The following PTCHD4 variants were observed in gnomAD, a reference collection of about 807,000 sequenced individuals.
PTCHD4 encodes the protein patched domain containing 4.
PTCHD4 carries 33 observed loss-of-function variants against 58.1 expected under a neutral mutation model. The ratio of observed to expected loss-of-function variants is 0.57; its 90% CI spans 0.43 to 0.76. The LOEUF (loss-of-function observed/expected upper bound fraction) is 0.76. Ranked by LOEUF, PTCHD4 falls within the 30% of genes least tolerant of loss-of-function variation. The pLI, the probability that PTCHD4 is intolerant of heterozygous loss-of-function variation, is 0.00. For missense variants in PTCHD4, 1,058 were observed against 1,027.1 expected (o/e 1.03, Z -0.41); for synonymous variants, 478 against 409.6 (o/e 1.17, Z -2.02).
chr6:47,992,526 A>G (rs1042414281), intron 4 of PTCHD4, among the ~76,000 whole-genome samples: 2 of 152,192 alleles, frequency 1.3e-5, no homozygotes, highest in Non-Finnish European at 2.9e-5. Flanking sequence ...ACATATAGCT[A>G]TTAGTAAAAA....
chr6:47,889,263 C>T (rs1463412674), intron 4 of PTCHD4, among the ~76,000 whole-genome samples: 1 of 100,318 alleles, frequency 1.0e-5, no homozygotes, highest in Admixed American at 1.2e-4. Context: ...AACTAGTTTA[C>T]AGTCCCACCA....
chr6:48,036,039 AG>A lies in PTCHD4; in HGVS notation c.418-26926del, dbSNP rs1180671077. 1.4e-4 allele frequency among the ~76,000 whole-genome samples: 22 copies of A among 152,048 alleles called. No homozygotes were observed. In the South Asian group the frequency reaches 4.2e-3, roughly 29 times the overall value. ...CATTGAATAACATTTTTTTTTTAAC[AG>A]ATACACCCTCGAGCTTGAGAATCAC... On this transcript the variant is annotated intron_variant, in intron 3 of 4. Transcript: ENST00000339488.
At position 47,871,112 on chromosome 6, in the gene PTCHD4, G is replaced by T. The variant is rs1483822000; in HGVS notation, c.*7191C>A. Among the ~76,000 whole-genome samples, 1 of 151,656 alleles carries T rather than the reference G, an allele frequency of 6.6e-6. No homozygotes were observed. The highest frequency in any genetic ancestry group is 1.9e-4 in the East Asian group (1 of 5,138). Reference sequence around the variant, plus strand: ...TTGTTTTAGGAAAGAAAATAAAAATGCTCAACTTTTACTCTCATTTCTACA... The same window carrying T: ...TTGTTTTAGGAAAGAAAATAAAAATTCTCAACTTTTACTCTCATTTCTACA... On this transcript the variant is annotated 3_prime_UTR_variant, in exon 5 of 5. Transcript: ENST00000339488.
intron 4 of PTCHD4, chr6:47,901,006 T>C (rs1764677157): frequency 6.7e-6 from 1 of 150,018 alleles, no homozygotes; most frequent in African/African-American, 2.4e-5. Context: ...TACAAAAAAT[T>C]AGCCGGGCGC....
intron 4 of PTCHD4, chr6:47,901,026 C>A (rs1434866030): frequency 6.6e-6 from 1 of 150,510 alleles, no homozygotes. Flanking sequence ...CGGTGGCGGG[C>A]GCCTGTAGTC....
intron 4 of PTCHD4, among the ~76,000 whole-genome samples, chr6:47,919,323 C>T (rs1029076159): frequency 4.6e-5 from 7 of 151,908 alleles, no homozygotes; most frequent in African/African-American, 1.7e-4. Context: ...AAAGTGAAGG[C>T]CTTCAGAAAA....
intron 3 of PTCHD4, among the ~76,000 whole-genome samples, chr6:48,034,977 AGGGGC>A (rs1763578868): frequency 2.0e-5 from 3 of 152,126 alleles, no homozygotes; most frequent in Admixed American, 2.0e-4. Flanking sequence ...CTTCCGAAGA[AGGGGC>A]GGGGACATAT....
intron 4 of PTCHD4, among the ~76,000 whole-genome samples, chr6:48,008,118 T>C (rs556849150): frequency 6.6e-6 from 1 of 152,308 alleles, no homozygotes; most frequent in South Asian, 2.1e-4. Flanking sequence ...AAGGTTTTAG[T>C]TTATACAGAG....
chr6:47,966,637 TTTC>T (rs1767307215), intron 4 of PTCHD4, among the ~76,000 whole-genome samples: 3 of 152,356 alleles, frequency 2.0e-5, no homozygotes, highest in Admixed American at 2.0e-4. Context: ...TTTCCACTGC[TTTC>T]TCAATTTAAT....
chr6:48,020,468 T>C (rs906307276), intron 3 of PTCHD4, among the ~76,000 whole-genome samples: 1 of 152,012 alleles, frequency 6.6e-6, no homozygotes, highest in African/African-American at 2.4e-5. Flanking sequence ...TTAAAACAAA[T>C]ATTAGGTTGC....
At position 47,857,783 on chromosome 6, in the gene PTCHD4, C is replaced by T. The variant is rs559997550; in HGVS notation, c.*20520G>A. ...AGTAAAGATGACACTACATTGAGCACACAGGTATTAAACATACAAATGATT... is the reference window on the plus strand; with the variant it reads ...AGTAAAGATGACACTACATTGAGCATACAGGTATTAAACATACAAATGATT... On this transcript the variant is annotated 3_prime_UTR_variant, in exon 5 of 5. Coordinates refer to ENST00000339488, the MANE Select transcript of PTCHD4 (RefSeq NM_001384253.1). Among the ~76,000 whole-genome samples, 1 of 152,012 alleles carries T rather than the reference C, an allele frequency of 6.6e-6. No homozygotes were observed. Among genetic ancestry groups the T allele is most frequent in the Admixed American group, 6.6e-5 (1 of 15,210 alleles).
intron 3 of PTCHD4, among the ~76,000 whole-genome samples, chr6:48,053,811 C>T (rs1277830147): frequency 1.3e-5 from 2 of 152,012 alleles, no homozygotes; most frequent in Non-Finnish European, 2.9e-5. Context: ...AAAGTTGTTC[C>T]CTTTAGCTAC....
intron 4 of PTCHD4, among the ~76,000 whole-genome samples, chr6:47,982,484 T>C (rs1475764488): frequency 3.3e-5 from 5 of 149,546 alleles, no homozygotes; most frequent in Admixed American, 6.6e-5. Context: ...TCTCTCTCTT[T>C]TTTTTTTTTT....
At chr6:48,089,708 A>C (rs886672505) in intron 1 of PTCHD4, among the ~76,000 whole-genome samples, 1 of 152,244 alleles carries the variant, frequency 6.6e-6, no homozygotes, top group East Asian at 1.9e-4. Flanking sequence ...CCAGTTGAGC[A>C]AAACCTATTC....
At chr6:47,946,448 A>G (rs1225347136) in intron 4 of PTCHD4, among the ~76,000 whole-genome samples, 1 of 152,018 alleles carries the variant, frequency 6.6e-6, no homozygotes, top group Non-Finnish European at 1.5e-5. Context: ...GATCCTCTTT[A>G]TCTCTTAGTA....
chr6:47,903,737 T>C (rs946860217), intron 4 of PTCHD4, among the ~76,000 whole-genome samples: 2 of 152,232 alleles, frequency 1.3e-5, no homozygotes, highest in African/African-American at 4.8e-5. Context: ...TCATGGGACT[T>C]ACATTCTAGT....
At chr6:48,041,529 T>C (rs1206464740) in intron 3 of PTCHD4, among the ~76,000 whole-genome samples, 1 of 152,024 alleles carries the variant, frequency 6.6e-6, no homozygotes, top group African/African-American at 2.4e-5. Flanking sequence ...AGAACTTCCA[T>C]CATTAAAGTG....
At chr6:47,925,982 G>T (rs1024096489) in intron 4 of PTCHD4, among the ~76,000 whole-genome samples, 1 of 152,208 alleles carries the variant, frequency 6.6e-6, no homozygotes, top group Admixed American at 6.5e-5. Context: ...CAAGACTCTC[G>T]CAAATGAGAC....
In PTCHD4 at chr6:48,068,983, T is replaced by G. The variant is rs953498625; in HGVS notation, c.-26A>C. On this transcript the variant is annotated 5_prime_UTR_variant, in exon 2 of 5. Coordinates refer to ENST00000339488, the MANE Select transcript of PTCHD4 (RefSeq NM_001384253.1). The surrounding 1 kb of genome is among the most constrained non-coding windows in gnomAD (Gnocchi z 4.2). ...GAGCAGCGTTCCCTCGGTCTAGCCCTTCATCTCGGTGCTGCAGTCCCCTGG... is the reference window on the plus strand; with the variant it reads ...GAGCAGCGTTCCCTCGGTCTAGCCCGTCATCTCGGTGCTGCAGTCCCCTGG... 2.7e-5 allele frequency among the ~76,000 whole-genome samples: 4 copies of G among 150,374 alleles called. No individual in the cohort carries two copies. Among genetic ancestry groups the G allele is most frequent in the African/African-American group, 9.8e-5 (4 of 40,806 alleles).
Sources: allele counts gnomAD v4.1 joint callset (sites outside exome capture counted in the v4.1 genomes callset), GRCh38; gene constraint gnomAD v4.1.1; non-coding constraint Gnocchi (gnomAD v3.1); transcripts MANE v1.5; gene names NCBI Gene and HGNC (gene_info 2026-07-23, HGNC 2026-07-21).